NOS1AP: variants seen among roughly 807,000 people sequenced by gnomAD.
NOS1AP encodes the protein carboxyl-terminal PDZ ligand of neuronal nitric oxide synthase protein.
A neutral mutation model predicts 56.2 loss-of-function variants in NOS1AP; 21 were observed. That is an observed-to-expected ratio of 0.37 (90% CI 0.26 to 0.54). The LOEUF is 0.54. Among genes scored for constraint, NOS1AP ranks in the 20% least tolerant of loss-of-function variants. NOS1AP has a pLI of 0.84. For synonymous variants in NOS1AP, 270 were observed against 274.6 expected, an observed-to-expected ratio of 0.98 and a Z score of 0.17; for missense variants, 522 against 657.8, an observed-to-expected ratio of 0.79 and a Z score of 2.26.
chr1:162,197,129 G>C (rs6663969), intron 2 of NOS1AP, among the ~76,000 whole-genome samples: 62,840 of 152,114 alleles, frequency 0.41, 15,978 homozygotes, highest in Non-Finnish European at 0.58. Flanking sequence ...ATGTTGTTGA[G>C]TAATAATTAA....
At chr1:162,123,047 G>A (rs1648309286) in intron 1 of NOS1AP, among the ~76,000 whole-genome samples, 1 of 152,152 alleles carries the variant, frequency 6.6e-6, no homozygotes, top group Non-Finnish European at 1.5e-5. Flanking sequence ...AAAATACTGT[G>A]CTCTGAAGAT....
chr1:162,278,528 C>T (rs1247393863), intron 2 of NOS1AP, among the ~76,000 whole-genome samples: 1 of 152,008 alleles, frequency 6.6e-6, no homozygotes, highest in Non-Finnish European at 1.5e-5. Flanking sequence ...ACCTTCTTTT[C>T]AAGAGAGGTA....
intron 1 of NOS1AP, among the ~76,000 whole-genome samples, chr1:162,106,462 G>A (rs1161380232): frequency 6.6e-6 from 1 of 152,084 alleles, no homozygotes; most frequent in Non-Finnish European, 1.5e-5. Context: ...CTTGCTACTG[G>A]GGGCTGGTAT....
At chr1:162,307,120 A>C (rs887953698) in intron 4 of NOS1AP, among the ~76,000 whole-genome samples, 3 of 152,094 alleles carry the variant, frequency 2.0e-5, no homozygotes, top group Non-Finnish European at 4.4e-5. Flanking sequence ...TCTGGCTTCA[A>C]GGGCATGCTT....
chr1:162,294,101 G>T (rs183445070), intron 3 of NOS1AP, among the ~76,000 whole-genome samples: 1 of 152,120 alleles, frequency 6.6e-6, no homozygotes, highest in East Asian at 1.9e-4. Context: ...GAGAAAGGCT[G>T]GGAGGACTGT....
At position 162,217,477 on chromosome 1, in the gene NOS1AP, C is replaced by T. The variant is rs920089314; in HGVS notation, c.177+63001C>T. 2.0e-5 allele frequency among the ~76,000 whole-genome samples: 3 copies of T among 151,980 alleles called. No homozygotes were observed. The East Asian group carries it at 5.8e-4, about 30-fold the overall frequency. ...ATGGGGTTTCACCATGTTGGCCAGG[C>T]TGGTCTCGAACTCCTGGCCTCAAGT... On this transcript the variant is annotated intron_variant, in intron 2 of 9. Transcript: ENST00000361897.
chr1:162,096,814 A>G (rs1382444638), intron 1 of NOS1AP, among the ~76,000 whole-genome samples: 2 of 152,110 alleles, frequency 1.3e-5, no homozygotes, highest in Non-Finnish European at 2.9e-5. Flanking sequence ...GATATACCAC[A>G]ACTTATTTAT....
At chr1:162,238,288 C>A (rs568213012) in intron 2 of NOS1AP, among the ~76,000 whole-genome samples, 1 of 152,046 alleles carries the variant, frequency 6.6e-6, no homozygotes, top group African/African-American at 2.4e-5. Flanking sequence ...CACTAACCCC[C>A]TCAGCTGGGT....
chr1:162,168,018 A>C (rs976947232), intron 2 of NOS1AP, among the ~76,000 whole-genome samples: 1 of 147,280 alleles, frequency 6.8e-6, no homozygotes, highest in African/African-American at 2.5e-5. Context: ...AAAAAATACC[A>C]GTGAAAATAG....
At chr1:162,304,862 T>C (rs1655771552) in intron 4 of NOS1AP, among the ~76,000 whole-genome samples, 1 of 151,850 alleles carries the variant, frequency 6.6e-6, no homozygotes, top group Admixed American at 6.6e-5. Flanking sequence ...ATGAACAAGG[T>C]TATTTATTAT....
chr1:162,183,617 T>C (rs1249120415), intron 2 of NOS1AP, among the ~76,000 whole-genome samples: 1 of 152,240 alleles, frequency 6.6e-6, no homozygotes, highest in African/African-American at 2.4e-5. Context: ...TTGCTGCAGC[T>C]TCTGAATCAG....
intron 2 of NOS1AP, among the ~76,000 whole-genome samples, chr1:162,287,094 G>A (rs977378284): frequency 6.6e-6 from 1 of 152,134 alleles, no homozygotes; most frequent in Non-Finnish European, 1.5e-5. Flanking sequence ...AATAGGCTAT[G>A]TTTTCATCTC....
intron 4 of NOS1AP, among the ~76,000 whole-genome samples, chr1:162,332,096 C>G (rs945901942): frequency 1.3e-5 from 2 of 152,338 alleles, no homozygotes; most frequent in Non-Finnish European, 2.9e-5. Context: ...TGACCATACT[C>G]CACTTGAACC....
intron 1 of NOS1AP, among the ~76,000 whole-genome samples, chr1:162,072,536 A>G (rs970698673): frequency 5.9e-5 from 9 of 152,200 alleles, no homozygotes; most frequent in Admixed American, 4.6e-4. Context: ...GCAAATGAGA[A>G]ATAGGGGACC....
chr1:162,331,100 T>C (rs1273398457), intron 4 of NOS1AP, among the ~76,000 whole-genome samples: 1 of 152,182 alleles, frequency 6.6e-6, no homozygotes, highest in Admixed American at 6.5e-5. Context: ...GGCCTGGAAC[T>C]CAGGCAGGAG....
chr1:162,070,140 C>T lies in NOS1AP; in HGVS notation c.-38C>T. ...GGGTCTCGCCAGCCCCTTCCTGCAG[C>T]CGCCGCCTCCGAAGGAGCGGGTCCG... On this transcript the variant is annotated 5_prime_UTR_variant, in exon 1 of 10. Coordinates refer to ENST00000361897, the MANE Select transcript of NOS1AP (RefSeq NM_014697.3). The T allele has an allele frequency of 6.4e-7, 1 of 1,556,914 alleles. No individual in the cohort carries two copies. Among genetic ancestry groups the T allele is most frequent in the Non-Finnish European group, 8.9e-7 (1 of 1,128,846 alleles).
At chr1:162,167,144 G>A (rs995694714) in intron 2 of NOS1AP, among the ~76,000 whole-genome samples, 1 of 152,152 alleles carries the variant, frequency 6.6e-6, no homozygotes, top group Admixed American at 6.5e-5. Flanking sequence ...ACCGCACGAA[G>A]GTTTATGGTG....
chr1:162,154,556 G>T (rs1191175461), intron 2 of NOS1AP, 80 bp downstream of exon 2: 1 of 1,354,060 alleles, frequency 7.4e-7, no homozygotes, highest in South Asian at 1.2e-5. Context: ...GGCTGGAGGG[G>T]CCAAAATGGA....
chr1:162,214,784 T>C (rs1652500684), intron 2 of NOS1AP, among the ~76,000 whole-genome samples: 1 of 152,222 alleles, frequency 6.6e-6, no homozygotes, highest in Non-Finnish European at 1.5e-5. Context: ...ATAGCTACTA[T>C]TTTCTTCCAT....
Sources: gnomAD v4.1 joint callset for allele counts (sites outside exome capture counted in the v4.1 genomes callset) on GRCh38, gnomAD v4.1.1 for gene constraint, MANE v1.5 for transcripts, NCBI Gene and HGNC (gene_info 2026-07-23, HGNC 2026-07-21) for gene names.